LRCH2: variants seen among roughly 807,000 people sequenced by gnomAD.
LRCH2 encodes the protein leucine-rich repeat and calponin homology domain-containing protein 2.
A neutral mutation model predicts 68.9 loss-of-function variants in LRCH2; 38 were observed. The ratio of observed to expected loss-of-function variants is 0.55; its 90% CI spans 0.43 to 0.72. The LOEUF (loss-of-function observed/expected upper bound fraction) is 0.72. Ranked by LOEUF, LRCH2 falls within the 30% of genes least tolerant of loss-of-function variation. The pLI, the probability that LRCH2 is intolerant of heterozygous loss-of-function variation, is 0.00. For synonymous variants in LRCH2, 191 were observed against 208.1 expected, an observed-to-expected ratio of 0.92 and a Z score of 0.71; for missense variants, 528 against 572.9, an observed-to-expected ratio of 0.92 and a Z score of 0.80.
intron 11 of LRCH2, among the ~76,000 whole-genome samples, chrX:115,161,004 A>C (rs2147383514): frequency 8.9e-6 from 1 of 112,628 alleles, no homozygotes; most frequent in South Asian, 3.6e-4. Context: ...TTCAGGCATT[A>C]ACAGAATTGG....
intron 1 of LRCH2, among the ~76,000 whole-genome samples, chrX:115,222,438 G>C (rs929924811): frequency 4.5e-5 from 5 of 111,569 alleles, no homozygotes; most frequent in African/African-American, 9.8e-5. Flanking sequence ...GAAATAAAAG[G>C]CTCCAGATTT....
chrX:115,197,507 T>G (rs2072896342), intron 1 of LRCH2, among the ~76,000 whole-genome samples: 1 of 111,171 alleles, frequency 9.0e-6, no homozygotes, highest in African/African-American at 3.3e-5. Context: ...ATCTCAGCAC[T>G]TTGGGAGGCC....
Position 115,233,776 on chromosome X carries a change from C to T in LRCH2, c.266G>A (p.Ser89Asn). Reference protein sequence around the residue: ...SLDRALEEAGSSGILSLSGRK... With the variant: ...SLDRALEEAGNSGILSLSGRK... ...ACCACTGAGGCTCAGGATGCCGGAG[C>T]TGCCCGCCTCTTCCAGGGCCCGGTC... The change falls in exon 1 of 21, where the codon AGC becomes AAC. Residue 89 changes from serine to asparagine, a missense_variant. Coordinates refer to ENST00000317135, the MANE Select transcript of LRCH2 (RefSeq NM_020871.4). The T allele has an allele frequency of 8.5e-7, 1 of 1,176,172 alleles. No homozygotes were observed.
Position 115,189,509 on chromosome X carries a change from C to G in LRCH2, c.350-1139G>C, listed in dbSNP as rs782414243. 11 of 1,181,316 alleles carry G rather than the reference C, an allele frequency of 9.3e-6. No individual in the cohort carries two copies. In the African/African-American group the frequency reaches 1.1e-4, roughly 11 times the overall value. On this transcript the variant is annotated intron_variant, in intron 1 of 20. Transcript: ENST00000317135. ...CTCAACCTCAAAACCGACGAGAAAGCCCTCAAAGCCGAGTTTGGCAAGTAT... is the reference window on the plus strand; with the variant it reads ...CTCAACCTCAAAACCGACGAGAAAGGCCTCAAAGCCGAGTTTGGCAAGTAT...
chrX:115,125,180 G>C (rs2072175546), intron 16 of LRCH2, among the ~76,000 whole-genome samples: 1 of 108,226 alleles, frequency 9.2e-6, no homozygotes, highest in Non-Finnish European at 1.9e-5. Context: ...GCCAAGGCAG[G>C]TAGATCACTT....
intron 1 of LRCH2, among the ~76,000 whole-genome samples, chrX:115,193,852 CTGAG>C (rs1290779818): frequency 6.3e-5 from 7 of 111,284 alleles, no homozygotes; most frequent in Non-Finnish European, 1.1e-4. Flanking sequence ...CAAAAACTAC[CTGAG>C]TAACTATCAA....
At chrX:115,116,473 T>C (rs1483848037) in intron 20 of LRCH2, among the ~76,000 whole-genome samples, 1 of 111,189 alleles carries the variant, frequency 9.0e-6, no homozygotes, top group African/African-American at 3.3e-5. Context: ...TATTGTATGA[T>C]TTCATTATAT....
intron 10 of LRCH2, 84 bp from the exon 11 acceptor site, chrX:115,163,867 G>T: frequency 1.6e-6 from 1 of 626,910 alleles, no homozygotes; most frequent in Non-Finnish European, 2.4e-6. Flanking sequence ...AACCATTTTT[G>T]TTTTTAACAC....
At chrX:115,133,998 G>A (rs782022337) in intron 14 of LRCH2, among the ~76,000 whole-genome samples, 1 of 112,374 alleles carries the variant, frequency 8.9e-6, no homozygotes, top group Non-Finnish European at 1.9e-5. Context: ...TGCAAAATAA[G>A]TGTTGAAGAA....
At chrX:115,137,321 G>T (rs1189452500) in intron 14 of LRCH2, among the ~76,000 whole-genome samples, 1 of 109,792 alleles carries the variant, frequency 9.1e-6, no homozygotes, top group East Asian at 2.9e-4. Flanking sequence ...TGGGAATGAG[G>T]GCATCCAAAC....
In LRCH2 at chrX:115,197,847, T is replaced by TCTCTCTCTCTCTCTCACACA. The variant is rs782358260; in HGVS notation, c.350-9478_350-9477insTGTGTGAGAGAGAGAGAGAG. Reference sequence around the variant, plus strand: ...CTCTCTCTCTCTCTCTCTCTCTCTCTCACACACACACACACACACACACAC... The same window carrying TCTCTCTCTCTCTCTCACACA: ...CTCTCTCTCTCTCTCTCTCTCTCTCTCTCTCTCTCTCTCTCACACACACACACACACACACACACACACAC... On this transcript the variant is annotated intron_variant, in intron 1 of 20. Coordinates refer to ENST00000317135, the MANE Select transcript of LRCH2 (RefSeq NM_020871.4). Among the ~76,000 whole-genome samples, 79 of 20,560 alleles carry TCTCTCTCTCTCTCTCACACA rather than the reference T, an allele frequency of 3.8e-3. 2 individuals carry two copies. Among genetic ancestry groups the TCTCTCTCTCTCTCTCACACA allele is most frequent in the African/African-American group, 9.5e-3 (49 of 5,178 alleles). The allele number at this position is 20,560 out of a possible 115,157, so 17.9% of individuals were successfully genotyped here. A position where few individuals can be genotyped will look rare whatever the true frequency, so the allele number is the denominator to read the frequency against.
intron 3 of LRCH2, among the ~76,000 whole-genome samples, chrX:115,182,559 C>T (rs2072700124): frequency 1.8e-5 from 2 of 111,638 alleles, no homozygotes; most frequent in African/African-American, 6.5e-5. Flanking sequence ...GTACGCTGGG[C>T]GCGGTGGCTG....
intron 1 of LRCH2, among the ~76,000 whole-genome samples, chrX:115,194,222 T>C (rs2072870574): frequency 9.0e-6 from 1 of 111,682 alleles, no homozygotes; most frequent in Admixed American, 9.6e-5. Context: ...AATAGCTATG[T>C]TTATATAATA....
chrX:115,120,170 G>C (rs1556525375), intron 20 of LRCH2, among the ~76,000 whole-genome samples: 1 of 98,456 alleles, frequency 1.0e-5, no homozygotes, highest in Non-Finnish European at 2.0e-5. Flanking sequence ...ATTGACAAAT[G>C]GGATCTAATT....
At chrX:115,162,800 T>A (rs1183351584) in intron 11 of LRCH2, among the ~76,000 whole-genome samples, 3 of 111,801 alleles carry the variant, frequency 2.7e-5, no homozygotes, top group Non-Finnish European at 5.6e-5. Flanking sequence ...CCATAAACAT[T>A]TATTATTTTG....
At chrX:115,206,893 A>C (rs1384095773) in intron 1 of LRCH2, among the ~76,000 whole-genome samples, 4 of 105,908 alleles carry the variant, frequency 3.8e-5, no homozygotes, top group Non-Finnish European at 7.9e-5. Flanking sequence ...AAAAAAAAAA[A>C]CTCAACCTTG....
chrX:115,146,500 T>C (rs2072383818), intron 14 of LRCH2, among the ~76,000 whole-genome samples: 2 of 110,642 alleles, frequency 1.8e-5, no homozygotes. Context: ...TTATTGAACA[T>C]TGTATGCCTT....
intron 14 of LRCH2, among the ~76,000 whole-genome samples, chrX:115,135,740 A>G (rs2072285092): frequency 8.9e-6 from 1 of 111,762 alleles, no homozygotes. Context: ...AGGAAAGTCC[A>G]TTGATGTGGC....
chrX:115,188,306 T>C lies in LRCH2; in HGVS notation c.414A>G (p.Thr138=), dbSNP rs2072749317. The C allele has an allele frequency of 8.4e-7, 1 of 1,190,206 alleles. No homozygotes were observed. Among genetic ancestry groups the C allele is most frequent in the Non-Finnish European group, 1.1e-6 (1 of 883,087 alleles). Residue 138 remains threonine, a synonymous_variant, in exon 2 of 21, where the codon ACA becomes ACG. Transcript: ENST00000317135. ...TGATGCAATTATGATATAAATTTAA[T>C]GTTTCAAGGGGTGCAAATAACCAGA... ...SDVWLFAPLE[T]LNLYHNCIKT...
Sources: gnomAD v4.1 joint callset for allele counts (sites outside exome capture counted in the v4.1 genomes callset) on GRCh38, gnomAD v4.1.1 for gene constraint, MANE v1.5 for transcripts, NCBI Gene and HGNC (gene_info 2026-07-23, HGNC 2026-07-21) for gene names.